RAB40C: variants seen among roughly 807,000 people sequenced by gnomAD.
RAB40C encodes the protein RAB40C, member RAS oncogene family, also known as ras-related protein Rab-40C.
RAB40C carries 8 observed loss-of-function variants against 28.1 expected under a neutral mutation model. That is an observed-to-expected ratio of 0.28 (90% CI 0.17 to 0.51). RAB40C has a LOEUF of 0.51. Ranked by LOEUF, RAB40C falls within the 20% of genes least tolerant of loss-of-function variation. The pLI, the probability that RAB40C is intolerant of heterozygous loss-of-function variation, is 0.97. For missense variants in RAB40C, 288 were observed against 405.9 expected, an observed-to-expected ratio of 0.71 and a Z score of 2.50; for synonymous variants, 201 against 171.7, an observed-to-expected ratio of 1.17 and a Z score of -1.34.
intron 1 of RAB40C, among the ~76,000 whole-genome samples, chr16:608,040 C>A (rs1025343504): frequency 1.3e-5 from 2 of 152,140 alleles, no homozygotes; most frequent in Non-Finnish European, 2.9e-5. Flanking sequence ...AGCCTCCACG[C>A]CCATGTACTC....
chr16:624,592 T>C (rs1321546106), intron 3 of RAB40C: 57 of 985,266 alleles, frequency 5.8e-5, no homozygotes, highest in Non-Finnish European at 6.6e-5. Flanking sequence ...AGATGGACAG[T>C]GCCCTCTTCT....
intron 1 of RAB40C, among the ~76,000 whole-genome samples, chr16:599,443 G>A (rs927579727): frequency 2.6e-5 from 4 of 152,264 alleles, no homozygotes; most frequent in African/African-American, 9.6e-5. Context: ...TCAGCAAGGA[G>A]GAGGCAGCTT....
At chr16:625,829 C>A (rs1400079249) in intron 4 of RAB40C, 70 bp from the exon 5 acceptor site, 10 of 1,383,988 alleles carry the variant, frequency 7.2e-6, no homozygotes, top group South Asian at 2.6e-5. Context: ...ACAATGAGGG[C>A]GGGCCCTGCT....
rs140650628 is a variant in RAB40C at position 601,960 on chromosome 16, T to C, written c.142+11527T>C. On this transcript the variant is annotated intron_variant, in intron 1 of 5. Transcript: ENST00000248139. Reference sequence around the variant, plus strand: ...GGCCAGCATGGTGAAACTCCGTCTCTACTGAAAATATAAAAGTTAGCGGGG... The same window carrying C: ...GGCCAGCATGGTGAAACTCCGTCTCCACTGAAAATATAAAAGTTAGCGGGG... Among the ~76,000 whole-genome samples, 22 of 151,256 alleles carry C rather than the reference T, an allele frequency of 1.5e-4. 1 individual carries two copies. In the East Asian group the frequency reaches 4.4e-3, roughly 30 times the overall value.
chr16:590,020 G>T, upstream of RAB40C: 1 of 151,748 alleles, frequency 6.6e-6, no homozygotes, highest in South Asian at 1.8e-4. Context: ...GGGCTCGGGA[G>T]GGCGGGCGAA....
chr16:606,054 C>T (rs1596404438), intron 1 of RAB40C, among the ~76,000 whole-genome samples: 1 of 152,256 alleles, frequency 6.6e-6, no homozygotes, highest in Non-Finnish European at 1.5e-5. Flanking sequence ...ATAATAAATA[C>T]AGGGCCGCAA....
In RAB40C at chr16:619,872, G is replaced by C. The variant is rs114359833; in HGVS notation, c.264+1612G>C. ...AAGTGTAGTCGGTGTTGGATCTGAT[G>C]TCTTCTACCTGCTGGCGGTGGGTGG... On this transcript the variant is annotated intron_variant, in intron 3 of 5. Transcript: ENST00000248139. Among the ~76,000 whole-genome samples, 511 of 152,340 alleles carry C rather than the reference G, an allele frequency of 3.4e-3. 2 individuals carry two copies. The highest frequency in any genetic ancestry group is 0.011 in the African/African-American group (472 of 41,576).
intron 1 of RAB40C, among the ~76,000 whole-genome samples, chr16:600,109 G>A (rs1445009265): frequency 6.6e-6 from 1 of 152,152 alleles, no homozygotes; most frequent in African/African-American, 2.4e-5. Flanking sequence ...TTCCTGTTTG[G>A]TTTGGGACTC....
At chr16:615,732 C>T (rs12596770) in intron 1 of RAB40C, among the ~76,000 whole-genome samples, 11,656 of 152,192 alleles carry the variant, frequency 0.077, 631 homozygotes, top group East Asian at 0.21. Context: ...GAGGCCAAGG[C>T]GGGCGAATCA....
chr16:623,849 C>T, intron 3 of RAB40C: 1 of 636,144 alleles, frequency 1.6e-6, no homozygotes, highest in Non-Finnish European at 2.0e-6. Context: ...ACTCAGGAAG[C>T]TGAGGCTCAG....
At position 625,976 on chromosome 16, in the gene RAB40C, G is replaced by C. The variant is rs757975981; in HGVS notation, c.420G>C (p.Gln140His). ...TCAAGCGGCAGGTCCCGACGGAGCA[G>C]GCCCGCGCGTACGCAGAGAAGAACT... ...LAFKRQVPTE[Q>H]ARAYAEKNCM... The change falls in exon 5 of 6, where the codon CAG becomes CAC. Residue 140 changes from glutamine to histidine, a missense_variant. Transcript: ENST00000248139. The C allele has an allele frequency of 3.1e-6, 5 of 1,613,182 alleles. No homozygotes were observed. The highest frequency in any genetic ancestry group is 1.1e-5 in the South Asian group (1 of 91,086).
chr16:622,106 C>T (rs1001592986), intron 3 of RAB40C, among the ~76,000 whole-genome samples: 11 of 152,120 alleles, frequency 7.2e-5, no homozygotes, highest in African/African-American at 1.9e-4. Context: ...GTTCAAACCT[C>T]GGATCTTTGT....
intron 1 of RAB40C, among the ~76,000 whole-genome samples, chr16:607,874 T>A (rs2151069047): frequency 6.6e-6 from 1 of 152,252 alleles, no homozygotes; most frequent in Non-Finnish European, 1.5e-5. Context: ...TCGCACCTAG[T>A]AAAGCAAACG....
intron 1 of RAB40C, among the ~76,000 whole-genome samples, chr16:591,541 C>T (rs1390303205): frequency 6.6e-6 from 1 of 152,108 alleles, no homozygotes; most frequent in Non-Finnish European, 1.5e-5. Flanking sequence ...GAAGAAAATA[C>T]CTCTGTAATG....
intron 1 of RAB40C, among the ~76,000 whole-genome samples, chr16:602,472 C>G (rs570688149): frequency 2.2e-4 from 33 of 151,752 alleles, no homozygotes; most frequent in South Asian, 4.2e-4. Context: ...TGCTCTTGTC[C>G]ACCAGGCTGG....
At chr16:601,039 T>C (rs1328150022) in intron 1 of RAB40C, among the ~76,000 whole-genome samples, 1 of 152,184 alleles carries the variant, frequency 6.6e-6, no homozygotes, top group East Asian at 1.9e-4. Context: ...CTTAGCCTCC[T>C]TGCAGAGCCA....
chr16:603,445 G>T (rs1291852227), intron 1 of RAB40C, among the ~76,000 whole-genome samples: 1 of 152,086 alleles, frequency 6.6e-6, no homozygotes, highest in African/African-American at 2.4e-5. Context: ...CGGAGCGCCG[G>T]CCCCGCACGT....
At chr16:600,620 A>G (rs748641869) in intron 1 of RAB40C, among the ~76,000 whole-genome samples, 9 of 152,196 alleles carry the variant, frequency 5.9e-5, no homozygotes, top group Non-Finnish European at 1.3e-4. Flanking sequence ...GCCTGGTGGC[A>G]TGCACCTGTA....
At chr16:624,094 T>C (rs1305605750) in intron 3 of RAB40C, 1 of 984,788 alleles carries the variant, frequency 1.0e-6, no homozygotes, top group Non-Finnish European at 1.2e-6. Context: ...AGCTGTCCCC[T>C]GAGGCTGGAC....
Sources: allele counts gnomAD v4.1 joint callset (sites outside exome capture counted in the v4.1 genomes callset), GRCh38; gene constraint gnomAD v4.1.1; transcripts MANE v1.5; gene names NCBI Gene and HGNC (gene_info 2026-07-23, HGNC 2026-07-21).